Variants in CARMIL2 observed in about 807,000 individuals in gnomAD.
CARMIL2 encodes capping protein, Arp2/3 and myosin-I linker protein 2.
Under a neutral mutation model 173.3 loss-of-function variants are expected in CARMIL2, and 96 were observed. The observed-to-expected ratio is 0.55, with a 90% CI of 0.47 to 0.66. CARMIL2 has a LOEUF of 0.66. Ranked by LOEUF, CARMIL2 falls within the 30% of genes least tolerant of loss-of-function variation. The probability of loss-of-function intolerance (pLI) is 0.00; values close to 1 mark genes in which losing one functional copy is unlikely to be tolerated. For missense variants in CARMIL2, 1,771 were observed against 1,906.7 expected (o/e 0.93, Z 1.33); for synonymous variants, 830 against 817.1 (o/e 1.02, Z -0.27).
Position 67,654,804 on chromosome 16 carries a change from A to G in CARMIL2, c.3609A>G (p.Thr1203=). ...GGCGGCCCCTGGAGCGGGGAGAAAC[A>G]GAACTGGCTCCATCCTTTGAACAGC... The part of the protein sequence containing the change: ...DKRRPLERGE[T]ELAPSFEQRV... Residue 1203 remains threonine (T), a synonymous_variant, in exon 32 of 38, where the codon ACA becomes ACG. Transcript: ENST00000334583. 6.2e-7 allele frequency: 1 copy of G among 1,613,576 alleles called. No individual in the cohort carries two copies. The highest frequency in any genetic ancestry group is 1.7e-4 in the Middle Eastern group (1 of 6,060).
chr16:67,653,146 GC>G lies in CARMIL2; in HGVS notation c.3016del (p.Arg1006AlafsTer63). On this transcript the variant is annotated frameshift_variant, in exon 29 of 38. Transcript: ENST00000334583. LOFTEE classifies it high-confidence loss of function. This position sits in a 1 kb window ranked among gnomAD's most constrained non-coding sequence, Gnocchi z 7.4. The part of the protein sequence containing the change: ...AAPGPPAGPL[P>X]RMDLPLAGQP... ...CCCCTGGGCCCCCGGCCGGCCCGCT[GC>G]CCCGCATGGACCTGCCACTGGCGGG... is the stretch of plus-strand genomic sequence containing the variant. 9.0e-7 allele frequency: 1 copy of G among 1,112,704 alleles called. No homozygotes were observed. Among genetic ancestry groups the G allele is most frequent in the Non-Finnish European group, 1.1e-6 (1 of 912,176 alleles). 68.9% of individuals were successfully genotyped at this position (1,112,704 alleles called of 1,614,324 possible).
At position 67,648,714 on chromosome 16, in the gene CARMIL2, C is replaced by G. The variant is rs2052651143; in HGVS notation, c.1469C>G (p.Thr490Arg). The G allele has an allele frequency of 1.2e-6, 2 of 1,607,438 alleles. No homozygotes were observed. Among genetic ancestry groups the G allele is most frequent in the South Asian group, 2.2e-5 (2 of 89,658 alleles). ...CTTTTGGATGGCCTCGCGCTCAACA[C>G]GCACCTCCGCGACCTGCACCTGGAC... ...RALLDGLALN[T>R]HLRDLHLDLS... Residue 490 changes from threonine (T) to arginine (R), a missense_variant, in exon 16 of 38, where the codon ACG (threonine) becomes AGG (arginine). Physicochemically the swap from Thr to Arg is moderately conservative, Grantham distance 71 (BLOSUM62 -1). This residue lies in a region of CARMIL2 where 944 missense variants were observed against 975.6 expected (regional missense o/e 0.97). Coordinates refer to ENST00000334583, the MANE Select transcript of CARMIL2 (RefSeq NM_001013838.3). This position sits in a 1 kb window ranked among gnomAD's most constrained non-coding sequence, Gnocchi z 6.1.
At position 67,647,743 on chromosome 16, in the gene CARMIL2, C is replaced by A. The variant is rs2052624140; in HGVS notation, c.935C>A (p.Ala312Asp). 6.3e-7 allele frequency: 1 copy of A among 1,585,252 alleles called. No individual in the cohort carries two copies. Among genetic ancestry groups the A allele is most frequent in the South Asian group, 1.2e-5 (1 of 86,436 alleles). ...CPGALRRLSL[A>D]QTGLTPRGMR... ...GGAGCCCTGAGGAGACTCAGCCTGGCCCAGACAGGGTTGACACCGCGAGGT... is the reference window on the plus strand; with the variant it reads ...GGAGCCCTGAGGAGACTCAGCCTGGACCAGACAGGGTTGACACCGCGAGGT... The change falls in exon 12 of 38, where the codon GCC (alanine) becomes GAC (aspartate). Residue 312 changes from alanine (A) to aspartate (D), a missense_variant. This residue lies in a region of CARMIL2 where 944 missense variants were observed against 975.6 expected (regional missense o/e 0.97). Transcript: ENST00000334583.
Position 67,651,884 on chromosome 16 carries a change from A to T in CARMIL2, c.2589-37A>T. 6.2e-7 allele frequency: 1 copy of T among 1,612,750 alleles called. No homozygotes were observed. The highest frequency in any genetic ancestry group is 2.2e-5 in the East Asian group (1 of 44,884). Reference sequence around the variant, plus strand: ...GGCTGGGCTGGGCAAGGCTGAGCAAAGCCAGCCCATTAACCCCTGTCCTCT... The same window carrying T: ...GGCTGGGCTGGGCAAGGCTGAGCAATGCCAGCCCATTAACCCCTGTCCTCT... On this transcript the variant is annotated intron_variant, in intron 25 of 37. Coordinates refer to ENST00000334583, the MANE Select transcript of CARMIL2 (RefSeq NM_001013838.3). This position sits in a 1 kb window ranked among gnomAD's most constrained non-coding sequence, Gnocchi z 4.2.
At position 67,653,132 on chromosome 16, in the gene CARMIL2, C is replaced by T. The variant is rs2052761600; in HGVS notation, c.2998C>T (p.Pro1000Ser). Reference protein sequence around the residue: ...GSPSPAAPGPPAGPLPRMDLP... With the variant: ...GSPSPAAPGPSAGPLPRMDLP... ...TCCGAGCCCTGCCGCCCCTGGGCCCCCGGCCGGCCCGCTGCCCCGCATGGA... is the reference window on the plus strand; with the variant it reads ...TCCGAGCCCTGCCGCCCCTGGGCCCTCGGCCGGCCCGCTGCCCCGCATGGA... The change falls in exon 29 of 38, where the codon CCG (proline) becomes TCG (serine). Residue 1000 changes from proline (P) to serine (S), a missense_variant. Pro to Ser is a moderately conservative substitution (Grantham distance 74, BLOSUM62 -1). Around this residue, in one of 3 missense-constraint regions of CARMIL2, gnomAD observed 817 missense variants for 903.5 expected, o/e 0.90. Coordinates refer to ENST00000334583, the MANE Select transcript of CARMIL2 (RefSeq NM_001013838.3). The surrounding 1 kb of genome is among the most constrained non-coding windows in gnomAD (Gnocchi z 7.4). 4.5e-6 allele frequency: 5 copies of T among 1,116,076 alleles called. No individual in the cohort carries two copies. The Admixed American group carries it at 1.6e-4, about 36-fold the overall frequency. 69.1% of individuals were successfully genotyped at this position (1,116,076 alleles called of 1,614,324 possible). A position where few individuals can be genotyped will look rare whatever the true frequency, so the allele number is the denominator to read the frequency against.
In CARMIL2 at chr16:67,653,777, A is replaced by C. The variant is rs1363000239; in HGVS notation, c.3121-372A>C. 8.8e-6 allele frequency among the ~76,000 whole-genome samples: 1 copy of C among 113,990 alleles called. No individual in the cohort carries two copies. 74.8% of individuals were successfully genotyped at this position (113,990 alleles called of 152,430 possible). On this transcript the variant is annotated intron_variant, in intron 29 of 37. Transcript: ENST00000334583. The surrounding 1 kb of genome is among the most constrained non-coding windows in gnomAD (Gnocchi z 7.4). ...ACTGAGCCGGCAGCAGGCCGGGTGG[A>C]GTGGGGGTGGGGTGGGGGACACTGC...
At chr16:67,654,092 G>GGGGC in intron 29 of CARMIL2, 57 bp from the exon 30 acceptor site, 1 of 1,091,944 alleles carries the variant, frequency 9.2e-7, no homozygotes, top group Non-Finnish European at 1.3e-6. Context: ...GGGGGGGGGG[G>GGGGC]GGGTAGAAGC....
chr16:67,656,400 T>C, intron 34 of CARMIL2, 24 bp from the exon 35 acceptor site: 1 of 1,609,676 alleles, frequency 6.2e-7, no homozygotes, highest in Admixed American at 1.7e-5. Flanking sequence ...GACCAGGTCT[T>C]GGCTGACACC....
chr16:67,651,358 G>T lies in CARMIL2; in HGVS notation c.2313+43G>T. On this transcript the variant is annotated intron_variant, in intron 23 of 37. Transcript: ENST00000334583. This position sits in a 1 kb window ranked among gnomAD's most constrained non-coding sequence, Gnocchi z 4.2. The stretch of plus-strand genomic sequence containing the variant: ...TGCTACAAGGACCCTTCCCCTCTTA[G>T]TCAGGTGTCAGCTCGCAACTGCTTT... 1.2e-6 allele frequency: 2 copies of T among 1,606,348 alleles called. No individual in the cohort carries two copies. The highest frequency in any genetic ancestry group is 1.7e-6 in the Non-Finnish European group (2 of 1,174,284).
At position 67,651,209 on chromosome 16, in the gene CARMIL2, C is replaced by T. The variant is rs771186956; in HGVS notation, c.2207C>T (p.Ser736Leu). 38 of 1,613,178 alleles carry T rather than the reference C, an allele frequency of 2.4e-5. No homozygotes were observed. The highest frequency in any genetic ancestry group is 3.0e-5 in the Non-Finnish European group (35 of 1,179,744). Residue 736 changes from serine to leucine, a missense_variant, in exon 23 of 38, where the codon TCG becomes TTG. Physicochemically the swap from Ser to Leu is moderately radical, Grantham distance 145 (BLOSUM62 -2). Around this residue, in one of 3 missense-constraint regions of CARMIL2, gnomAD observed 10 missense variants for 27.6 expected, o/e 0.36. Transcript: ENST00000334583. This position sits in a 1 kb window ranked among gnomAD's most constrained non-coding sequence, Gnocchi z 4.2. The stretch of plus-strand genomic sequence containing the variant: ...CAGGAAGTGAATGAATTGTGTCAGT[C>T]GGTGCAGGAGCATGTGGAGCTGCTG... ...SEQEVNELCQ[S>L]VQEHVELLGC... is the part of the protein sequence containing the mutation.
At position 67,646,578 on chromosome 16, in the gene CARMIL2, C is replaced by T. The variant is rs945689314; in HGVS notation, c.466+61C>T. 1.6e-4 allele frequency: 250 copies of T among 1,583,254 alleles called. No individual in the cohort carries two copies. Among genetic ancestry groups the T allele is most frequent in the Non-Finnish European group, 2.1e-4 (241 of 1,155,990 alleles). On this transcript the variant is annotated intron_variant, in intron 6 of 37. Coordinates refer to ENST00000334583, the MANE Select transcript of CARMIL2 (RefSeq NM_001013838.3). The surrounding 1 kb of genome is among the most constrained non-coding windows in gnomAD (Gnocchi z 4.6). ...TGCCCCACCTCTGCCTCCCCAGACCCGCAAGCTGGGGGGGCCCCAAACTGA... is the reference window on the plus strand; with the variant it reads ...TGCCCCACCTCTGCCTCCCCAGACCTGCAAGCTGGGGGGGCCCCAAACTGA...
intron 12 of CARMIL2, 37 bp downstream of exon 12, chr16:67,647,803 T>TGGG: frequency 3.9e-6 from 1 of 258,436 alleles, no homozygotes; most frequent in African/African-American, 4.9e-5. Flanking sequence ...GGGAGGGGGG[T>TGGG]GGGGGTCTGT....
chr16:67,657,560 C>T lies in CARMIL2; in HGVS notation c.*42C>T. ...CGCATGAGATTATTTTATTAAAAAA[C>T]TCAAAGGAAGCAGAGTGTGGAGCGG... On this transcript the variant is annotated 3_prime_UTR_variant, in exon 38 of 38. Transcript: ENST00000334583. The surrounding 1 kb of genome is among the most constrained non-coding windows in gnomAD (Gnocchi z 4.5). The T allele has an allele frequency of 6.2e-7, 1 of 1,613,990 alleles. No individual in the cohort carries two copies. The highest frequency in any genetic ancestry group is 8.5e-7 in the Non-Finnish European group (1 of 1,179,878).
Position 67,645,238 on chromosome 16 carries a change from G to T in CARMIL2, c.-9G>T, listed in dbSNP as rs769596789. On this transcript the variant is annotated 5_prime_UTR_variant, in exon 1 of 38. Coordinates refer to ENST00000334583, the MANE Select transcript of CARMIL2 (RefSeq NM_001013838.3). ...GGAGCTCGTTGGGCCTCCCCGGCCC[G>T]CCCGGCCCATGGCCCAGACCCCCGA... is the stretch of plus-strand genomic sequence containing the variant. 5 of 1,587,480 alleles carry T rather than the reference G, an allele frequency of 3.1e-6. No individual in the cohort carries two copies. The highest frequency in any genetic ancestry group is 1.1e-5 in the South Asian group (1 of 87,314).
In CARMIL2 at chr16:67,649,559, C is replaced by A. The variant is rs768020939; in HGVS notation, c.1859C>A (p.Ala620Asp). 1 of 1,602,968 alleles carries A rather than the reference C, an allele frequency of 6.2e-7. No individual in the cohort carries two copies. Among genetic ancestry groups the A allele is most frequent in the East Asian group, 2.2e-5 (1 of 44,884 alleles). The stretch of plus-strand genomic sequence containing the variant: ...ACCGCGCTGGATATCAGCGGCAACG[C>A]CATGGGGGACGCGGGCGCCAAGTTG... ...NLTALDISGN[A>D]MGDAGAKLLA... Residue 620 changes from alanine to aspartate, a missense_variant, in exon 20 of 38, where the codon GCC (alanine) becomes GAC (aspartate). Transcript: ENST00000334583. The surrounding 1 kb of genome is among the most constrained non-coding windows in gnomAD (Gnocchi z 6.7).
At position 67,651,765 on chromosome 16, in the gene CARMIL2, A is replaced by G. The variant is rs755111575; in HGVS notation, c.2508A>G (p.Leu836=). The G allele has an allele frequency of 8.1e-6, 13 of 1,606,726 alleles. No homozygotes were observed. In the African/African-American group the frequency reaches 1.5e-4, roughly 18 times the overall value. The change falls in exon 25 of 38, where the codon CTA becomes CTG. Residue 836 remains leucine, a synonymous_variant. Coordinates refer to ENST00000334583, the MANE Select transcript of CARMIL2 (RefSeq NM_001013838.3). This position sits in a 1 kb window ranked among gnomAD's most constrained non-coding sequence, Gnocchi z 4.2. ...MLQGSSWREQ[L]EGVLAGSRGL... ...AGGGATCCAGCTGGAGGGAGCAGCT[A>G]GAGGGGGTCCTGGCAGGCTCGAGGG... is the stretch of plus-strand genomic sequence containing the variant.
chr16:67,657,098 G>A lies in CARMIL2; in HGVS notation c.4118-141G>A, dbSNP rs1272944688. On this transcript the variant is annotated intron_variant, in intron 36 of 37. Coordinates refer to ENST00000334583, the MANE Select transcript of CARMIL2 (RefSeq NM_001013838.3). This position sits in a 1 kb window ranked among gnomAD's most constrained non-coding sequence, Gnocchi z 4.5. ...GAAGAGCAGCCTCTGCCAGGGGTGA[G>A]GACGCAGGGACGGGGGATGCTCTGA... The A allele has an allele frequency of 3.6e-6, 3 of 832,510 alleles. No individual in the cohort carries two copies. Among genetic ancestry groups the A allele is most frequent in the African/African-American group, 3.4e-5 (2 of 58,902 alleles). The allele number at this position is 832,510 out of a possible 1,614,324, so 51.6% of individuals were successfully genotyped here. A position where few individuals can be genotyped will look rare whatever the true frequency, so the allele number is the denominator to read the frequency against.
chr16:67,648,652 G>T lies in CARMIL2; in HGVS notation c.1440-33G>T. On this transcript the variant is annotated intron_variant, in intron 15 of 37. Coordinates refer to ENST00000334583, the MANE Select transcript of CARMIL2 (RefSeq NM_001013838.3). The surrounding 1 kb of genome is among the most constrained non-coding windows in gnomAD (Gnocchi z 6.1). ...TCGCACCCTGGAGCCCCCTGTCCCAGCTCCCGCCACCCCGTGTAACGTCCT... is the reference window on the plus strand; with the variant it reads ...TCGCACCCTGGAGCCCCCTGTCCCATCTCCCGCCACCCCGTGTAACGTCCT... 1 of 1,583,528 alleles carries T rather than the reference G, an allele frequency of 6.3e-7. No individual in the cohort carries two copies. Among genetic ancestry groups the T allele is most frequent in the East Asian group, 2.3e-5 (1 of 43,162 alleles).
Position 67,652,928 on chromosome 16 carries a change from G to C in CARMIL2, c.2885-91G>C. ...GGGCGGCGTAGCCGGGCCCCTCCCC[G>C]CGCCCTGGGCGGGTCCCCCGCCGCC... On this transcript the variant is annotated intron_variant, in intron 28 of 37. Transcript: ENST00000334583. The surrounding 1 kb of genome is among the most constrained non-coding windows in gnomAD (Gnocchi z 4.7). 2.3e-6 allele frequency: 1 copy of C among 438,924 alleles called. No individual in the cohort carries two copies. The highest frequency in any genetic ancestry group is 3.3e-6 in the Non-Finnish European group (1 of 300,420). The allele number at this position is 438,924 out of a possible 1,614,324, so 27.2% of individuals were successfully genotyped here.
Sources: allele counts gnomAD v4.1 joint callset (sites outside exome capture counted in the v4.1 genomes callset), GRCh38; gene constraint gnomAD v4.1.1; regional missense constraint gnomAD v4.1.1; non-coding constraint Gnocchi (gnomAD v3.1); transcripts MANE v1.5; gene names NCBI Gene and HGNC (gene_info 2026-07-23, HGNC 2026-07-21).